The following ZNF778 variants were observed in gnomAD, a reference collection of about 807,000 sequenced individuals.
The protein encoded by ZNF778 is zinc finger protein 778.
Under a neutral mutation model 23.9 loss-of-function variants are expected in ZNF778, and 37 were observed. The ratio of observed to expected loss-of-function variants is 1.54; its 90% CI spans 1.19 to 2.03. The LOEUF is 2.03. Among genes scored for constraint, ZNF778 ranks in the 30% most tolerant of loss-of-function variants. The probability of loss-of-function intolerance (pLI) is 0.00; values close to 1 mark genes in which losing one functional copy is unlikely to be tolerated. For missense variants in ZNF778, 1,297 were observed against 934.4 expected, an observed-to-expected ratio of 1.39 and a Z score of -5.06; for synonymous variants, 483 against 343.9, an observed-to-expected ratio of 1.40 and a Z score of -4.48.
Position 89,234,000 on chromosome 16 carries a change from C to A in ZNF778, c.*5438C>A, listed in dbSNP as rs1371346558. 41 of 1,196,474 alleles carry A rather than the reference C, an allele frequency of 3.4e-5. No individual in the cohort carries two copies. The highest frequency in any genetic ancestry group is 5.7e-5 in the East Asian group (1 of 17,540). The allele number at this position is 1,196,474 out of a possible 1,614,324, so 74.1% of individuals were successfully genotyped here. A position where few individuals can be genotyped will look rare whatever the true frequency, so the allele number is the denominator to read the frequency against. On this transcript the variant is annotated 3_prime_UTR_variant, in exon 7 of 7. Coordinates refer to ENST00000433976, the MANE Select transcript of ZNF778 (RefSeq NM_001201407.2). ...CCAGACTTCATCCTGCCCTGTCCTG[C>A]CTTTCCTGTGAAAACCCTGTGGCCT...
intron 3 of ZNF778, among the ~76,000 whole-genome samples, chr16:89,222,803 T>G (rs772507810): frequency 1.3e-5 from 2 of 152,262 alleles, no homozygotes; most frequent in Non-Finnish European, 2.9e-5. Context: ...TTGTTTGTAG[T>G]GTGCTCAGGA....
rs763001724 is a variant in ZNF778 at position 89,232,836 on chromosome 16, A to G, written c.*4274A>G. 5.4e-6 allele frequency: 7 copies of G among 1,289,050 alleles called. No homozygotes were observed. In the Admixed American group the frequency reaches 1.1e-4, roughly 21 times the overall value. 79.9% of individuals were successfully genotyped at this position (1,289,050 alleles called of 1,614,324 possible). A position where few individuals can be genotyped will look rare whatever the true frequency, so the allele number is the denominator to read the frequency against. On this transcript the variant is annotated 3_prime_UTR_variant, in exon 7 of 7. Coordinates refer to ENST00000433976, the MANE Select transcript of ZNF778 (RefSeq NM_001201407.2). Reference sequence around the variant, plus strand: ...CAACTCAACTCACACCGTATATGCAACTCAACTCACACCGTGTATGCAAAT... The same window carrying G: ...CAACTCAACTCACACCGTATATGCAGCTCAACTCACACCGTGTATGCAAAT...
intron 1 of ZNF778, among the ~76,000 whole-genome samples, chr16:89,218,974 G>T (rs1011495950): frequency 2.0e-5 from 3 of 152,052 alleles, no homozygotes; most frequent in African/African-American, 7.2e-5. Context: ...TTGCATGGTG[G>T]CGCATGCCTG....
intron 3 of ZNF778, 128 bp from the exon 4 acceptor site, chr16:89,223,029 C>T: frequency 8.7e-7 from 1 of 1,147,224 alleles, no homozygotes; most frequent in Non-Finnish European, 1.2e-6. Flanking sequence ...GTTCCTGGGA[C>T]CACTGGGCCA....
In ZNF778 at chr16:89,232,871, C is replaced by T. The variant is rs1033993573; in HGVS notation, c.*4309C>T. ...CACCGTGTATGCAAATCAACTCGCA[C>T]TGCGTATGCAACTCAACTCGCACTG... is the stretch of plus-strand genomic sequence containing the variant. On this transcript the variant is annotated 3_prime_UTR_variant, in exon 7 of 7. Transcript: ENST00000433976. 2.5e-6 allele frequency: 3 copies of T among 1,220,344 alleles called. No homozygotes were observed. The highest frequency in any genetic ancestry group is 2.4e-5 in the Admixed American group (1 of 41,552). The allele number at this position is 1,220,344 out of a possible 1,614,324, so 75.6% of individuals were successfully genotyped here.
At position 89,227,131 on chromosome 16, in the gene ZNF778, C is replaced by T. The variant is rs757293007; in HGVS notation, c.843C>T (p.His281=). 51 of 1,613,898 alleles carry T rather than the reference C, an allele frequency of 3.2e-5. No homozygotes were observed. Among genetic ancestry groups the T allele is most frequent in the Admixed American group, 3.3e-5 (2 of 60,008 alleles). Residue 281 remains histidine, a synonymous_variant, in exon 7 of 7, where the codon CAC becomes CAT. Coordinates refer to ENST00000433976, the MANE Select transcript of ZNF778 (RefSeq NM_001201407.2). Reference sequence around the variant, plus strand: ...AAATGCATGCCGTCAGGAATCCCCACGTATGTAGGGAATGTGGGAAGGCCT... The same window carrying T: ...AAATGCATGCCGTCAGGAATCCCCATGTATGTAGGGAATGTGGGAAGGCCT... The part of the protein sequence containing the change: ...PVEMHAVRNP[H]VCRECGKAFR...
intron 5 of ZNF778, 115 bp from the exon 6 acceptor site, chr16:89,225,440 A>G: frequency 9.0e-6 from 7 of 781,230 alleles, no homozygotes; most frequent in Admixed American, 2.9e-5. Flanking sequence ...CAAATTTTAC[A>G]CATAGCCAAA....
intron 1 of ZNF778, among the ~76,000 whole-genome samples, chr16:89,220,475 G>A (rs760837895): frequency 5.3e-5 from 8 of 152,168 alleles, no homozygotes; most frequent in Non-Finnish European, 1.2e-4. Flanking sequence ...GGCTAACATG[G>A]TGAAACCCCA....
At chr16:89,222,039 G>A in intron 2 of ZNF778, 53 bp from the exon 3 acceptor site, 1 of 1,350,602 alleles carries the variant, frequency 7.4e-7, no homozygotes, top group African/African-American at 1.5e-5. Flanking sequence ...CATGAGTGTG[G>A]AATTAGGGTC....
intron 6 of ZNF778, 145 bp from the exon 7 acceptor site, chr16:89,226,549 A>G: frequency 2.9e-6 from 2 of 681,942 alleles, no homozygotes; most frequent in Admixed American, 5.9e-5. Flanking sequence ...TTTGACTTGA[A>G]AGACATCTAC....
Position 89,232,840 on chromosome 16 carries a change from A to T in ZNF778, c.*4278A>T, listed in dbSNP as rs1197716045. 3 of 1,288,970 alleles carry T rather than the reference A, an allele frequency of 2.3e-6. No individual in the cohort carries two copies. Among genetic ancestry groups the T allele is most frequent in the South Asian group, 1.2e-5 (1 of 80,972 alleles). The allele number at this position is 1,288,970 out of a possible 1,614,324, so 79.8% of individuals were successfully genotyped here. On this transcript the variant is annotated 3_prime_UTR_variant, in exon 7 of 7. Transcript: ENST00000433976. ...TCAACTCACACCGTATATGCAACTC[A>T]ACTCACACCGTGTATGCAAATCAAC...
rs757134104 is a variant in ZNF778, at chr16:89,233,080, G to A, written c.*4518G>A. 5.8e-6 allele frequency: 7 copies of A among 1,214,802 alleles called. No homozygotes were observed. In the African/African-American group the frequency reaches 7.7e-5, roughly 13 times the overall value. The allele number at this position is 1,214,802 out of a possible 1,614,324, so 75.3% of individuals were successfully genotyped here. A position where few individuals can be genotyped will look rare whatever the true frequency, so the allele number is the denominator to read the frequency against. The stretch of plus-strand genomic sequence containing the variant: ...GCGTATGCAACTCAGCTCGCACTGC[G>A]TATGCAACTCAGCTCGCACTGCGTA... On this transcript the variant is annotated 3_prime_UTR_variant, in exon 7 of 7. Transcript: ENST00000433976.
At chr16:89,222,029 C>T in intron 2 of ZNF778, 63 bp from the exon 3 acceptor site, 2 of 1,220,048 alleles carry the variant, frequency 1.6e-6, no homozygotes, top group Non-Finnish European at 1.2e-6. Context: ...CTTCCGGGTC[C>T]ATGAGTGTGG....
Position 89,221,856 on chromosome 16 carries a change from C to CTG in ZNF778, c.26-220_26-219dup, listed in dbSNP as rs371607531. Among the ~76,000 whole-genome samples the CTG allele has an allele frequency of 3.1e-3, 438 of 139,256 alleles. 2 individuals carry two copies. The highest frequency in any genetic ancestry group is 4.6e-3 in the African/African-American group (170 of 37,284). 91.4% of individuals were successfully genotyped at this position (139,256 alleles called of 152,430 possible). A position where few individuals can be genotyped will look rare whatever the true frequency, so the allele number is the denominator to read the frequency against. ...TGTGTTTTCTTGAGGAAGTGTATGG[C>CTG]TGTGTGTGTGTGTGTGTTTTCCTGA... On this transcript the variant is annotated intron_variant, in intron 2 of 6. Transcript: ENST00000433976.
At position 89,235,430 on chromosome 16, in the gene ZNF778, C is replaced by G. The variant is rs1328745176; in HGVS notation, c.*6868C>G. 6.6e-6 allele frequency: 1 copy of G among 152,202 alleles called. No individual in the cohort carries two copies. The highest frequency in any genetic ancestry group is 1.5e-5 in the Non-Finnish European group (1 of 68,046). The allele number at this position is 152,202 out of a possible 1,614,324, so 9.4% of individuals were successfully genotyped here. A position where few individuals can be genotyped will look rare whatever the true frequency, so the allele number is the denominator to read the frequency against. Reference sequence around the variant, plus strand: ...GAGCTGGCCTGTGAGGTTGACCACTCTGTAGGTGGACGAGCCTCGCCCGAG... The same window carrying G: ...GAGCTGGCCTGTGAGGTTGACCACTGTGTAGGTGGACGAGCCTCGCCCGAG... On this transcript the variant is annotated 3_prime_UTR_variant, in exon 7 of 7. Coordinates refer to ENST00000433976, the MANE Select transcript of ZNF778 (RefSeq NM_001201407.2).
At position 89,236,506 on chromosome 16, in the gene ZNF778, A is replaced by G. The variant is rs1030022601; in HGVS notation, c.*7944A>G. On this transcript the variant is annotated 3_prime_UTR_variant, in exon 7 of 7. Transcript: ENST00000433976. ...ATGGTTACAGAAAACTCTTAAGGAA[A>G]CCTGGAACAAAGGAAAAGCAATAGA... is the stretch of plus-strand genomic sequence containing the variant. 3 of 152,240 alleles carry G rather than the reference A, an allele frequency of 2.0e-5. No homozygotes were observed. The highest frequency in any genetic ancestry group is 7.2e-5 in the African/African-American group (3 of 41,460). The allele number at this position is 152,240 out of a possible 1,614,324, so 9.4% of individuals were successfully genotyped here.
At chr16:89,223,737 C>T (rs2031190080) in intron 4 of ZNF778, among the ~76,000 whole-genome samples, 1 of 152,160 alleles carries the variant, frequency 6.6e-6, no homozygotes, top group South Asian at 2.1e-4. Context: ...CAGAGATAAC[C>T]AGTTTCTTTG....
chr16:89,224,839 T>G (rs1279026384), intron 5 of ZNF778, 37 bp downstream of exon 5: 1 of 1,417,964 alleles, frequency 7.1e-7, no homozygotes, highest in East Asian at 2.5e-5. Context: ...ATGTCAAGTT[T>G]AGCAGCTGTG....
At position 89,227,445 on chromosome 16, in the gene ZNF778, C is replaced by T. The variant is rs199800001; in HGVS notation, c.1157C>T (p.Thr386Ile). The stretch of plus-strand genomic sequence containing the variant: ...TATCTACTGAATGAGCATGGAAAAA[C>T]TCACACGAGGGAGAAGCCCTTTGCA... ...GFYLLNEHGK[T>I]HTREKPFACV... Residue 386 changes from threonine to isoleucine, a missense_variant, in exon 7 of 7, where the codon ACT becomes ATT. Transcript: ENST00000433976. The T allele has an allele frequency of 3.7e-6, 6 of 1,613,862 alleles. No homozygotes were observed. The South Asian group carries it at 4.4e-5, about 12-fold the overall frequency.
Sources: gnomAD v4.1 joint callset for allele counts (sites outside exome capture counted in the v4.1 genomes callset) on GRCh38, gnomAD v4.1.1 for gene constraint, MANE v1.5 for transcripts, NCBI Gene and HGNC (gene_info 2026-07-23, HGNC 2026-07-21) for gene names.